The following ZDHHC14 variants were observed in gnomAD, a reference collection of about 807,000 sequenced individuals.
ZDHHC14 encodes palmitoyltransferase ZDHHC14.
ZDHHC14 carries 16 observed loss-of-function variants against 47.7 expected under a neutral mutation model. The observed-to-expected ratio is 0.34, with a 90% CI of 0.23 to 0.51. The LOEUF is 0.51. Among genes scored for constraint, ZDHHC14 ranks in the 20% least tolerant of loss-of-function variants. The probability of loss-of-function intolerance (pLI) is 0.97; values close to 1 mark genes in which losing one functional copy is unlikely to be tolerated. For synonymous variants in ZDHHC14, 293 were observed against 278.9 expected, an observed-to-expected ratio of 1.05 and a Z score of -0.50; for missense variants, 515 against 662.5, an observed-to-expected ratio of 0.78 and a Z score of 2.44.
At chr6:157,543,257 C>T (rs1021095412) in intron 2 of ZDHHC14, among the ~76,000 whole-genome samples, 2 of 151,958 alleles carry the variant, frequency 1.3e-5, no homozygotes, top group African/African-American at 4.8e-5. Context: ...TTTATTTTTC[C>T]TTAGATATTA....
chr6:157,548,222 A>G (rs1184135625), intron 2 of ZDHHC14, among the ~76,000 whole-genome samples: 1 of 151,874 alleles, frequency 6.6e-6, no homozygotes, highest in Non-Finnish European at 1.5e-5. Flanking sequence ...CCCAATTCAT[A>G]TTTGCATCTT....
At chr6:157,647,211 C>T (rs1777596930) in intron 6 of ZDHHC14, 48 bp from the exon 7 acceptor site, 7 of 1,315,218 alleles carry the variant, frequency 5.3e-6, no homozygotes, top group African/African-American at 1.5e-5. Flanking sequence ...CTCAACTGTG[C>T]GTTGGTGTGG....
intron 1 of ZDHHC14, among the ~76,000 whole-genome samples, chr6:157,520,667 T>G (rs186780015): frequency 4.1e-4 from 63 of 152,390 alleles, no homozygotes; most frequent in Admixed American, 2.7e-3. Flanking sequence ...TAAATACCAT[T>G]TCTATAGAAT....
intron 1 of ZDHHC14, among the ~76,000 whole-genome samples, chr6:157,493,120 T>C (rs1779970682): frequency 6.6e-6 from 1 of 152,160 alleles, no homozygotes; most frequent in Non-Finnish European, 1.5e-5. Context: ...CAGGCAAAGA[T>C]GGTGGCACTG....
At chr6:157,632,358 T>C (rs1785783136) in intron 4 of ZDHHC14, 1 of 159,670 alleles carries the variant, frequency 6.3e-6, no homozygotes, top group Non-Finnish European at 1.4e-5. Flanking sequence ...TATTAAAATG[T>C]CTAAAGCCCA....
Position 157,628,587 on chromosome 6 carries a change from T to C in ZDHHC14, c.703+101T>C, listed in dbSNP as rs1423648967. 8.4e-6 allele frequency: 12 copies of C among 1,430,490 alleles called. No individual in the cohort carries two copies. The African/African-American group carries it at 1.3e-4, about 15-fold the overall frequency. 88.6% of individuals were successfully genotyped at this position (1,430,490 alleles called of 1,614,324 possible). On this transcript the variant is annotated intron_variant, in intron 4 of 8. Transcript: ENST00000359775. Reference sequence around the variant, plus strand: ...AATATTTTGGTCATTTCGGGCTTTCTCTTTCCCTTTCTTTCTCCCTTTCCC... The same window carrying C: ...AATATTTTGGTCATTTCGGGCTTTCCCTTTCCCTTTCTTTCTCCCTTTCCC...
At chr6:157,400,079 A>G (rs1304180337) in intron 1 of ZDHHC14, among the ~76,000 whole-genome samples, 5 of 152,326 alleles carry the variant, frequency 3.3e-5, no homozygotes, top group African/African-American at 4.8e-5. Context: ...CATTTGCAAA[A>G]TTCTGAATAA....
chr6:157,598,234 G>A (rs775994810), intron 3 of ZDHHC14, among the ~76,000 whole-genome samples: 7 of 152,236 alleles, frequency 4.6e-5, no homozygotes, highest in Non-Finnish European at 1.0e-4. Flanking sequence ...GCCTTCTGGT[G>A]TGGATTAGCA....
intron 2 of ZDHHC14, among the ~76,000 whole-genome samples, chr6:157,583,999 A>G (rs1464083077): frequency 1.3e-5 from 2 of 151,858 alleles, no homozygotes; most frequent in Admixed American, 6.6e-5. Flanking sequence ...GTCCCAGGGG[A>G]GACAGCCTGG....
In ZDHHC14 at chr6:157,542,708, C is replaced by A. The variant is rs1562471347; in HGVS notation, c.369C>A (p.Ala123=). The A allele has an allele frequency of 6.2e-7, 1 of 1,614,006 alleles. No homozygotes were observed. The highest frequency in any genetic ancestry group is 8.5e-7 in the Non-Finnish European group (1 of 1,180,016). The change falls in exon 2 of 9, where the codon GCC becomes GCA. Residue 123 remains alanine, a synonymous_variant. Coordinates refer to ENST00000359775, the MANE Select transcript of ZDHHC14 (RefSeq NM_024630.3). The part of the protein sequence containing the change: ...SFSDPGVLPR[A]TPDEAADLER... Reference sequence around the variant, plus strand: ...GCGACCCCGGAGTCCTCCCACGAGCCACGCCTGATGAAGCCGCCGATCTGG... The same window carrying A: ...GCGACCCCGGAGTCCTCCCACGAGCAACGCCTGATGAAGCCGCCGATCTGG...
At chr6:157,536,121 C>T (rs535026504) in intron 1 of ZDHHC14, among the ~76,000 whole-genome samples, 14 of 152,154 alleles carry the variant, frequency 9.2e-5, no homozygotes, top group Non-Finnish European at 2.1e-4. Flanking sequence ...GCTTTGCAAT[C>T]GAGAATCTGA....
intron 8 of ZDHHC14, among the ~76,000 whole-genome samples, chr6:157,655,816 C>T (rs1222381918): frequency 1.3e-5 from 2 of 152,174 alleles, no homozygotes; most frequent in Non-Finnish European, 2.9e-5. Flanking sequence ...AACCAGTGGA[C>T]TTATGTTCTT....
chr6:157,511,390 T>TC (rs1780477929), intron 1 of ZDHHC14, among the ~76,000 whole-genome samples: 1 of 151,382 alleles, frequency 6.6e-6, no homozygotes. Flanking sequence ...GGAAACTTTT[T>TC]TTTTTTTTGA....
intron 1 of ZDHHC14, among the ~76,000 whole-genome samples, chr6:157,426,045 G>T (rs529661818): frequency 6.6e-6 from 1 of 152,276 alleles, no homozygotes; most frequent in Non-Finnish European, 1.5e-5. Context: ...ACCTAGAGAG[G>T]CAGATGGGGT....
intron 1 of ZDHHC14, among the ~76,000 whole-genome samples, chr6:157,515,288 T>A (rs1386330006): frequency 2.0e-5 from 3 of 151,814 alleles, no homozygotes; most frequent in African/African-American, 7.3e-5. Context: ...CACTGCAAAA[T>A]TTTCCCTCTC....
chr6:157,428,538 A>G (rs1221352555), intron 1 of ZDHHC14, among the ~76,000 whole-genome samples: 1 of 151,370 alleles, frequency 6.6e-6, no homozygotes, highest in Non-Finnish European at 1.5e-5. Context: ...TGCTTTTTAT[A>G]GCGGTGCCCT....
chr6:157,482,260 C>CT (rs1231434907), intron 1 of ZDHHC14, among the ~76,000 whole-genome samples: 35,888 of 127,448 alleles, frequency 0.28, 5,427 homozygotes, highest in East Asian at 0.43. Flanking sequence ...CTTTTCTTTT[C>CT]TTTTTTTTTT....
intron 1 of ZDHHC14, among the ~76,000 whole-genome samples, chr6:157,456,120 C>T (rs934554703): frequency 2.0e-5 from 3 of 152,134 alleles, no homozygotes; most frequent in South Asian, 2.1e-4. Context: ...CTTCTACTCC[C>T]GGAGGAGGCC....
chr6:157,511,546 A>ATTTTTTTTTTTTTTTTTTT (rs1780486180), intron 1 of ZDHHC14, among the ~76,000 whole-genome samples: 1 of 75,414 alleles, frequency 1.3e-5, no homozygotes, highest in African/African-American at 9.3e-5. Context: ...AAGCCCGGGT[A>ATTTTTTTTTTTTTTTTTTT]CTTTTTTTTT....
Sources: allele counts gnomAD v4.1 joint callset (sites outside exome capture counted in the v4.1 genomes callset), GRCh38; gene constraint gnomAD v4.1.1; transcripts MANE v1.5; gene names NCBI Gene and HGNC (gene_info 2026-07-23, HGNC 2026-07-21).